SH3RF3: variants seen among roughly 807,000 people sequenced by gnomAD.
SH3RF3 encodes SH3 domain containing ring finger 3, also known as E3 ubiquitin-protein ligase SH3RF3.
In SH3RF3, 29 loss-of-function variants were observed where a neutral mutation model predicts 66.3. The ratio of observed to expected loss-of-function variants is 0.44; its 90% CI spans 0.33 to 0.60. The LOEUF is 0.60. Among genes scored for constraint, SH3RF3 ranks in the 20% least tolerant of loss-of-function variants. SH3RF3 has a pLI of 0.04. For synonymous variants in SH3RF3, 583 were observed against 532.0 expected (o/e 1.10, Z -1.32); for missense variants, 1,194 against 1,190.9 (o/e 1.00, Z -0.04).
At chr2:109,212,049 C>A (rs1345437661) in intron 1 of SH3RF3, among the ~76,000 whole-genome samples, 1 of 152,144 alleles carries the variant, frequency 6.6e-6, no homozygotes, top group African/African-American at 2.4e-5. Flanking sequence ...GTGGGCTTTG[C>A]GGAATTCCAG....
chr2:109,178,566 C>A (rs1446856821), intron 1 of SH3RF3, among the ~76,000 whole-genome samples: 3 of 152,182 alleles, frequency 2.0e-5, no homozygotes, highest in Non-Finnish European at 4.4e-5. Flanking sequence ...TAACCCAAAG[C>A]CTTTGGACTC....
At chr2:109,139,241 G>A (rs539475273) in intron 1 of SH3RF3, among the ~76,000 whole-genome samples, 50 of 152,250 alleles carry the variant, frequency 3.3e-4, no homozygotes, top group Admixed American at 2.5e-3. Context: ...GAGAAAATGC[G>A]TGCAGAGCAT....
intron 1 of SH3RF3, among the ~76,000 whole-genome samples, chr2:109,342,933 T>C (rs1682591189): frequency 6.6e-6 from 1 of 152,204 alleles, no homozygotes; most frequent in Non-Finnish European, 1.5e-5. Flanking sequence ...CAGATGGGTT[T>C]TCCTTTTTTC....
At chr2:109,153,911 G>A (rs1052371873) in intron 1 of SH3RF3, among the ~76,000 whole-genome samples, 5 of 152,214 alleles carry the variant, frequency 3.3e-5, no homozygotes, top group Admixed American at 2.0e-4. Context: ...TTGCAGGGCC[G>A]AGGACAAAAT....
rs980423822 is a variant in SH3RF3 at position 109,357,460 on chromosome 2, C to T, written c.849+9511C>T. On this transcript the variant is annotated intron_variant, in intron 2 of 9. Coordinates refer to ENST00000309415, the MANE Select transcript of SH3RF3 (RefSeq NM_001099289.3). ...CCTCCCAAAGTGCTGGGATTACAGG[C>T]GTGAGCCACCGCACCCGGCCAACAG... Among the ~76,000 whole-genome samples, 10 of 152,314 alleles carry T rather than the reference C, an allele frequency of 6.6e-5. No homozygotes were observed. In the South Asian group the frequency reaches 1.0e-3, roughly 16 times the overall value.
At chr2:109,479,174 C>T (rs541974418) in intron 8 of SH3RF3, among the ~76,000 whole-genome samples, 1 of 152,316 alleles carries the variant, frequency 6.6e-6, no homozygotes, top group African/African-American at 2.4e-5. Context: ...AGTGCACGGC[C>T]TGCCCTTGAC....
chr2:109,421,595 G>A (rs746099397), intron 5 of SH3RF3, among the ~76,000 whole-genome samples: 7 of 152,176 alleles, frequency 4.6e-5, no homozygotes, highest in South Asian at 4.1e-4. Context: ...CACCCAGTTC[G>A]CCTGCCCTGG....
chr2:109,415,825 C>A (rs1220082994), intron 4 of SH3RF3, among the ~76,000 whole-genome samples: 1 of 152,194 alleles, frequency 6.6e-6, no homozygotes, highest in African/African-American at 2.4e-5. Flanking sequence ...GCTTGAATGT[C>A]CCCTCTGAAA....
chr2:109,148,908 C>T lies in SH3RF3; in HGVS notation c.573+18795C>T, dbSNP rs887103685. Among the ~76,000 whole-genome samples the T allele has an allele frequency of 1.3e-4, 20 of 152,010 alleles. No homozygotes were observed. The East Asian group carries it at 2.9e-3, about 22-fold the overall frequency. On this transcript the variant is annotated intron_variant, in intron 1 of 9. Transcript: ENST00000309415. The stretch of plus-strand genomic sequence containing the variant: ...GGAACAATTCTGATTGGTGGTTTTA[C>T]CCAAAAAAAATCAAGTTCTAGACTT...
At chr2:109,289,776 T>G (rs1311327652) in intron 1 of SH3RF3, among the ~76,000 whole-genome samples, 5 of 152,152 alleles carry the variant, frequency 3.3e-5, no homozygotes, top group Non-Finnish European at 7.4e-5. Flanking sequence ...TTTTTTAAGC[T>G]GGAAACTGGG....
chr2:109,335,028 A>G (rs1008004225), intron 1 of SH3RF3, among the ~76,000 whole-genome samples: 1 of 152,204 alleles, frequency 6.6e-6, no homozygotes, highest in African/African-American at 2.4e-5. Flanking sequence ...GGCGACTTAC[A>G]TGTGCTCCCT....
chr2:109,135,177 G>A (rs1676788014), intron 1 of SH3RF3, among the ~76,000 whole-genome samples: 1 of 152,202 alleles, frequency 6.6e-6, no homozygotes. Flanking sequence ...AAGTCGGTGA[G>A]CAAACGGTGA....
At chr2:109,182,729 T>C (rs984799167) in intron 1 of SH3RF3, among the ~76,000 whole-genome samples, 5 of 152,224 alleles carry the variant, frequency 3.3e-5, no homozygotes, top group Non-Finnish European at 7.3e-5. Context: ...GGTCTACATA[T>C]AAAGTAATTC....
At chr2:109,198,370 A>G (rs1258251746) in intron 1 of SH3RF3, among the ~76,000 whole-genome samples, 2 of 50,216 alleles carry the variant, frequency 4.0e-5, no homozygotes, top group Non-Finnish European at 8.9e-5. Flanking sequence ...GTGACAACTT[A>G]AACAAAACTC....
At chr2:109,197,990 TCA>T (rs1048651078) in intron 1 of SH3RF3, among the ~76,000 whole-genome samples, 3 of 152,228 alleles carry the variant, frequency 2.0e-5, no homozygotes, top group Non-Finnish European at 4.4e-5. Flanking sequence ...TTGAGGTTTT[TCA>T]CAGAGTTGAC....
intron 1 of SH3RF3, among the ~76,000 whole-genome samples, chr2:109,165,405 G>A (rs1558935694): frequency 6.6e-6 from 1 of 152,156 alleles, no homozygotes. Flanking sequence ...AATGAGGATG[G>A]TGTGCTCAGA....
intron 3 of SH3RF3, among the ~76,000 whole-genome samples, chr2:109,380,750 C>T (rs142168701): frequency 6.6e-6 from 1 of 152,280 alleles, no homozygotes; most frequent in East Asian, 1.9e-4. Flanking sequence ...TCTCACCCTG[C>T]CCACCTTAGC....
intron 4 of SH3RF3, among the ~76,000 whole-genome samples, chr2:109,401,769 G>A (rs1169045655): frequency 6.6e-6 from 1 of 152,170 alleles, no homozygotes; most frequent in African/African-American, 2.4e-5. Context: ...CTCTCATGTT[G>A]CCATGGCCTC....
In SH3RF3 at chr2:109,146,001, C is replaced by T. The variant is rs147413721; in HGVS notation, c.573+15888C>T. 2.8e-3 allele frequency among the ~76,000 whole-genome samples: 414 copies of T among 149,312 alleles called. 1 individual carries two copies. The highest frequency in any genetic ancestry group is 4.0e-3 in the Non-Finnish European group (274 of 68,012). ...CAAGGGGCTTGGCAGTGTGACCTCC[C>T]GGCCGCAGTGTCCTTGTCTATGTGG... On this transcript the variant is annotated intron_variant, in intron 1 of 9. Transcript: ENST00000309415.
Sources: gnomAD v4.1 joint callset for allele counts (sites outside exome capture counted in the v4.1 genomes callset) on GRCh38, gnomAD v4.1.1 for gene constraint, MANE v1.5 for transcripts, NCBI Gene and HGNC (gene_info 2026-07-23, HGNC 2026-07-21) for gene names.